The following ACSM1 variants were observed in gnomAD, a reference collection of about 807,000 sequenced individuals.
The protein encoded by ACSM1 is acyl-CoA synthetase medium chain family member 1, also known as acyl-coenzyme A synthetase ACSM1, mitochondrial.
ACSM1 carries 79 observed loss-of-function variants against 75.8 expected under a neutral mutation model. The ratio of observed to expected loss-of-function variants is 1.04; its 90% CI spans 0.87 to 1.26. The LOEUF is 1.26. ACSM1 is among the 50% of genes most tolerant of loss of function. The probability of loss-of-function intolerance (pLI) is 0.00; values close to 1 mark genes in which losing one functional copy is unlikely to be tolerated. For synonymous variants in ACSM1, 279 were observed against 265.8 expected, an observed-to-expected ratio of 1.05 and a Z score of -0.48; for missense variants, 676 against 720.1, an observed-to-expected ratio of 0.94 and a Z score of 0.70.
intron 10 of ACSM1, among the ~76,000 whole-genome samples, chr16:20,630,568 C>A (rs1431807964): frequency 6.6e-6 from 1 of 152,044 alleles, no homozygotes; most frequent in Non-Finnish European, 1.5e-5. Context: ...AGTTCTACAG[C>A]AATAGTTGGA....
At chr16:20,639,331 T>C (rs893389123) in intron 8 of ACSM1, among the ~76,000 whole-genome samples, 8 of 152,246 alleles carry the variant, frequency 5.3e-5, no homozygotes, top group Non-Finnish European at 1.0e-4. Context: ...TCCCTGCTCC[T>C]CACCCACCCT....
intron 3 of ACSM1, among the ~76,000 whole-genome samples, chr16:20,682,720 C>G (rs2079472612): frequency 6.6e-6 from 1 of 152,214 alleles, no homozygotes; most frequent in African/African-American, 2.4e-5. Flanking sequence ...ATCTTTTCTA[C>G]TGTAAATGGA....
At chr16:20,641,295 G>C (rs56281296) in intron 7 of ACSM1, among the ~76,000 whole-genome samples, 4 of 152,128 alleles carry the variant, frequency 2.6e-5, no homozygotes, top group African/African-American at 4.8e-5. Flanking sequence ...CATCTTTTAT[G>C]GGGGGAAGTG....
At chr16:20,696,251 G>A (rs1237958658) in intron 1 of ACSM1, among the ~76,000 whole-genome samples, 2 of 152,170 alleles carry the variant, frequency 1.3e-5, no homozygotes, top group Non-Finnish European at 2.9e-5. Flanking sequence ...AGTGATGCAT[G>A]TCTCTATCTC....
chr16:20,679,658 A>C (rs191058230), intron 4 of ACSM1: 1 of 152,282 alleles, frequency 6.6e-6, no homozygotes, highest in East Asian at 1.9e-4. Context: ...CACTGTGTAC[A>C]TACTACCTGG....
intron 12 of ACSM1, among the ~76,000 whole-genome samples, chr16:20,625,221 T>G (rs888075187): frequency 1.3e-5 from 2 of 152,214 alleles, no homozygotes; most frequent in Admixed American, 6.5e-5. Context: ...TTGGCATATA[T>G]AAGTGCTCAT....
intron 6 of ACSM1, among the ~76,000 whole-genome samples, chr16:20,666,956 T>TA (rs2019602323): frequency 6.6e-6 from 1 of 151,996 alleles, no homozygotes; most frequent in African/African-American, 2.4e-5. Flanking sequence ...CAAGATGGAG[T>TA]AAGGATTTAA....
intron 8 of ACSM1, among the ~76,000 whole-genome samples, chr16:20,638,724 G>A (rs997765328): frequency 1.3e-5 from 2 of 152,318 alleles, no homozygotes; most frequent in Admixed American, 6.5e-5. Context: ...CTGAGACTTG[G>A]ACCCAGGTCT....
At position 20,636,772 on chromosome 16, in the gene ACSM1, A is replaced by G. The variant is rs755956895; in HGVS notation, c.1266T>C (p.Pro422=). Residue 422 remains proline, a synonymous_variant, in exon 10 of 14, where the codon CCT becomes CCC. Coordinates refer to ENST00000520010, the MANE Select transcript of ACSM1 (RefSeq NM_001318890.3). ...TEGNIGIRIK[P]VRPVSLFMCY... is the part of the protein sequence containing the mutation. ...ACATGAAGAGGCTCACAGGCCTGAC[A>G]GGTTTGATTCTGATGCCAATGTTTC... 8 of 1,614,010 alleles carry G rather than the reference A, an allele frequency of 5.0e-6. No individual in the cohort carries two copies. The Admixed American group carries it at 1.2e-4, about 24-fold the overall frequency.
chr16:20,672,472 ATAT>A (rs1457907545), intron 4 of ACSM1, among the ~76,000 whole-genome samples: 814 of 57,648 alleles, frequency 0.014, 19 homozygotes, highest in Middle Eastern at 0.036. Flanking sequence ...AAAAAAAAAA[ATAT>A]ATATATATAT....
intron 13 of ACSM1, 56 bp downstream of exon 13, chr16:20,624,040 G>T (rs144820087): frequency 6.3e-7 from 1 of 1,597,750 alleles, no homozygotes; most frequent in African/African-American, 1.3e-5. Flanking sequence ...TACCTAGCCC[G>T]TCCTAGCAGG....
chr16:20,657,018 AAT>A (rs1432354590), intron 7 of ACSM1, among the ~76,000 whole-genome samples: 1 of 152,140 alleles, frequency 6.6e-6, no homozygotes, highest in Non-Finnish European at 1.5e-5. Flanking sequence ...AAAATTAAAA[AAT>A]ATATATATTT....
chr16:20,696,184 T>C (rs1402716032), intron 1 of ACSM1, among the ~76,000 whole-genome samples: 2 of 152,152 alleles, frequency 1.3e-5, no homozygotes, highest in Non-Finnish European at 2.9e-5. Flanking sequence ...ACTCTATGAG[T>C]TCCCATAATA....
intron 6 of ACSM1, among the ~76,000 whole-genome samples, chr16:20,663,492 C>T (rs1396559700): frequency 2.0e-5 from 3 of 152,124 alleles, no homozygotes; most frequent in East Asian, 3.9e-4. Context: ...TTGACTCCGC[C>T]GGACTTTGTA....
chr16:20,694,538 G>A (rs2152343949), intron 1 of ACSM1, among the ~76,000 whole-genome samples: 1 of 152,260 alleles, frequency 6.6e-6, no homozygotes, highest in South Asian at 2.1e-4. Flanking sequence ...ATCAAACTCA[G>A]TTGCAATTTT....
At position 20,624,100 on chromosome 16, in the gene ACSM1, C is replaced by T. The variant is rs1479305505; in HGVS notation, c.1643G>A (p.Arg548Lys). 6.2e-7 allele frequency: 1 copy of T among 1,612,116 alleles called. No individual in the cohort carries two copies. The highest frequency in any genetic ancestry group is 1.1e-5 in the South Asian group (1 of 91,066). Residue 548 changes from arginine to lysine, a missense_variant, in exon 13 of 14, where the codon AGG (arginine) becomes AAG (lysine). Arg to Lys is a conservative substitution (Grantham distance 26). Transcript: ENST00000520010. ...KSVTAPYKYP[R>K]KVEFVSELPK... ...CTTCCATCTGCCCTCACTCACCTTC[C>T]TTGGGTACTTGTATGGGGCTGTCAC...
chr16:20,653,983 C>A (rs2018797524), intron 7 of ACSM1, among the ~76,000 whole-genome samples: 1 of 152,194 alleles, frequency 6.6e-6, no homozygotes, highest in Admixed American at 6.5e-5. Context: ...GTGGAGGCAT[C>A]GCGCTACCTG....
chr16:20,627,150 G>A (rs775890398), intron 11 of ACSM1, 39 bp downstream of exon 11: 2 of 1,492,240 alleles, frequency 1.3e-6, no homozygotes, highest in Non-Finnish European at 1.8e-6. Flanking sequence ...TGAGGCATGT[G>A]ACGGCAACAA....
At position 20,690,974 on chromosome 16, in the gene ACSM1, C is replaced by T. The variant is rs371646055; in HGVS notation, c.192+23G>A. Reference sequence around the variant, plus strand: ...AGTGAGGCCACCCTTGTTCTTATATCGCCATCACGGCAGATCTCTTACCTT... The same window carrying T: ...AGTGAGGCCACCCTTGTTCTTATATTGCCATCACGGCAGATCTCTTACCTT... On this transcript the variant is annotated intron_variant, in intron 2 of 13. Transcript: ENST00000520010. 1.2e-5 allele frequency: 19 copies of T among 1,595,620 alleles called. No homozygotes were observed. In the African/African-American group the frequency reaches 1.8e-4, roughly 15 times the overall value.
Sources: allele counts gnomAD v4.1 joint callset (sites outside exome capture counted in the v4.1 genomes callset), GRCh38; gene constraint gnomAD v4.1.1; transcripts MANE v1.5; gene names NCBI Gene and HGNC (gene_info 2026-07-23, HGNC 2026-07-21).